Variants in CHN1 observed in about 807,000 individuals in gnomAD.
The protein encoded by CHN1 is N-chimaerin.
In CHN1, 37 loss-of-function variants were observed where a neutral mutation model predicts 59.5. The observed-to-expected ratio is 0.62, with a 90% CI of 0.48 to 0.82. The LOEUF (loss-of-function observed/expected upper bound fraction) is 0.82. Among genes scored for constraint, CHN1 ranks in the 40% least tolerant of loss-of-function variants. The probability of loss-of-function intolerance (pLI) is 0.00; values close to 1 mark genes in which losing one functional copy is unlikely to be tolerated. For missense variants in CHN1, 469 were observed against 571.0 expected (o/e 0.82, Z 1.82); for synonymous variants, 206 against 200.4 (o/e 1.03, Z -0.24).
intron 1 of CHN1, among the ~76,000 whole-genome samples, chr2:174,990,417 C>T (rs1370775255): frequency 6.6e-6 from 1 of 152,000 alleles, no homozygotes; most frequent in Non-Finnish European, 1.5e-5. Context: ...TCTGGAGAGA[C>T]CTAGGAACAG....
chr2:174,920,988 C>A, intron 3 of CHN1: 1 of 430,526 alleles, frequency 2.3e-6, no homozygotes, highest in Non-Finnish European at 4.8e-6. Context: ...CTAGGTCCCT[C>A]GCATGTGCAG....
At position 174,913,421 on chromosome 2, in the gene CHN1, G is replaced by T. The variant is rs144114020; in HGVS notation, c.260+1637C>A. Among the ~76,000 whole-genome samples, 27 of 152,206 alleles carry T rather than the reference G, an allele frequency of 1.8e-4. No homozygotes were observed. In the East Asian group the frequency reaches 4.4e-3, roughly 25 times the overall value. ...GAATTCTAGAATTATAATATGTTAG[G>T]AGTAGAAAGATGAAGAAACCAACTT... On this transcript the variant is annotated intron_variant, in intron 5 of 12. Coordinates refer to ENST00000409900, the MANE Select transcript of CHN1 (RefSeq NM_001822.7).
At position 174,955,659 on chromosome 2, in the gene CHN1, AAAAAT is replaced by A. The variant is rs572669179; in HGVS notation, c.20-3462_20-3458del. ...AAATAAATTGAAAAACAAACAAATG[AAAAAT>A]AAAATAAAATAAAATGTGGTATGTA... On this transcript the variant is annotated intron_variant, in intron 1 of 12. Coordinates refer to ENST00000409900, the MANE Select transcript of CHN1 (RefSeq NM_001822.7). Among the ~76,000 whole-genome samples, 76 of 152,292 alleles carry A rather than the reference AAAAAT, an allele frequency of 5.0e-4. No homozygotes were observed. The South Asian group carries it at 0.011, about 23-fold the overall frequency.
At chr2:174,846,492 A>G in intron 7 of CHN1, 4 of 1,436,886 alleles carry the variant, frequency 2.8e-6, no homozygotes, top group Non-Finnish European at 2.7e-6. Flanking sequence ...CATGCCTCTT[A>G]TATCCAAAGC....
At chr2:174,931,958 A>G (rs1689362078) in intron 3 of CHN1, among the ~76,000 whole-genome samples, 1 of 152,172 alleles carries the variant, frequency 6.6e-6, no homozygotes, top group Non-Finnish European at 1.5e-5. Flanking sequence ...GTAAGAGATG[A>G]GTTAGAGAGG....
intron 5 of CHN1, among the ~76,000 whole-genome samples, chr2:174,884,553 ATTAT>A (rs1687836245): frequency 6.6e-6 from 1 of 152,194 alleles, no homozygotes; most frequent in Non-Finnish European, 1.5e-5. Flanking sequence ...GGGGTTTTGT[ATTAT>A]TTACTAAAGT....
chr2:174,930,137 C>G (rs978705871), intron 3 of CHN1, among the ~76,000 whole-genome samples: 1 of 152,294 alleles, frequency 6.6e-6, no homozygotes, highest in Admixed American at 6.5e-5. Context: ...AGCAGATATA[C>G]TTGTGGCTCT....
intron 7 of CHN1, among the ~76,000 whole-genome samples, chr2:174,841,818 A>T (rs2105427901): frequency 6.6e-6 from 1 of 152,306 alleles, no homozygotes; most frequent in East Asian, 1.9e-4. Flanking sequence ...TTATTGCAGA[A>T]GCATAATGAA....
At chr2:174,981,742 A>G in intron 1 of CHN1, among the ~76,000 whole-genome samples, 1 of 152,226 alleles carries the variant, frequency 6.6e-6, no homozygotes, top group East Asian at 1.9e-4. Context: ...GATGATATGA[A>G]ATACTCTATT....
intron 3 of CHN1, among the ~76,000 whole-genome samples, chr2:174,922,819 A>T (rs1689052446): frequency 6.6e-6 from 1 of 152,228 alleles, no homozygotes; most frequent in Non-Finnish European, 1.5e-5. Flanking sequence ...AATAATGTAG[A>T]TCTATTGAGA....
chr2:174,848,396 ATACC>A (rs55903533), intron 6 of CHN1, among the ~76,000 whole-genome samples: 47,768 of 151,698 alleles, frequency 0.31, 8,667 homozygotes, highest in Admixed American at 0.45. Flanking sequence ...CTTAGGAGCA[ATACC>A]TACATTTTTT....
chr2:174,950,357 C>G (rs545150167), intron 2 of CHN1, among the ~76,000 whole-genome samples: 2 of 151,660 alleles, frequency 1.3e-5, no homozygotes, highest in Admixed American at 6.6e-5. Flanking sequence ...GTCTCTGCCT[C>G]TCAGGTACAA....
chr2:174,918,686 G>C, intron 3 of CHN1, 121 bp from the exon 4 acceptor site: 4 of 746,394 alleles, frequency 5.4e-6, no homozygotes, highest in Non-Finnish European at 8.3e-6. Context: ...AAATAACAGA[G>C]TATGGAGTCC....
At chr2:174,957,580 C>T (rs952366811) in intron 1 of CHN1, among the ~76,000 whole-genome samples, 6 of 151,972 alleles carry the variant, frequency 3.9e-5, no homozygotes, top group African/African-American at 1.2e-4. Flanking sequence ...TGATATTCTG[C>T]TGTTATTATA....
intron 5 of CHN1, among the ~76,000 whole-genome samples, chr2:174,885,318 T>C (rs1274314487): frequency 6.6e-6 from 1 of 150,930 alleles, no homozygotes; most frequent in Non-Finnish European, 1.5e-5. Context: ...AGAGAGAAAT[T>C]ACATATAACT....
rs373553077 is a variant in CHN1 at position 174,900,052 on chromosome 2, A to G, written c.260+15006T>C. On this transcript the variant is annotated intron_variant, in intron 5 of 12. Transcript: ENST00000409900. ...ATGCAACAATCCCCAAATATATTCTACTTTACTTCTGTGTACCTATTAATA... is the reference window on the plus strand; with the variant it reads ...ATGCAACAATCCCCAAATATATTCTGCTTTACTTCTGTGTACCTATTAATA... Among the ~76,000 whole-genome samples, 6 of 152,370 alleles carry G rather than the reference A, an allele frequency of 3.9e-5. No homozygotes were observed. In the South Asian group the frequency reaches 1.0e-3, roughly 26 times the overall value.
chr2:174,968,926 G>A (rs1690671954), intron 1 of CHN1, among the ~76,000 whole-genome samples: 1 of 152,164 alleles, frequency 6.6e-6, no homozygotes, highest in Non-Finnish European at 1.5e-5. Flanking sequence ...AACCTCACCT[G>A]ATCAATGTAA....
intron 1 of CHN1, among the ~76,000 whole-genome samples, chr2:174,960,125 G>T (rs1018359265): frequency 6.6e-6 from 1 of 152,114 alleles, no homozygotes; most frequent in African/African-American, 2.4e-5. Flanking sequence ...ATTTCCTGCT[G>T]ATTAATAGAA....
At chr2:174,857,752 T>G (rs889002781) in intron 6 of CHN1, among the ~76,000 whole-genome samples, 2 of 152,136 alleles carry the variant, frequency 1.3e-5, no homozygotes, top group African/African-American at 2.4e-5. Flanking sequence ...TTTGTCAATT[T>G]TTACCCAATT....
Sources: allele counts gnomAD v4.1 joint callset (sites outside exome capture counted in the v4.1 genomes callset), GRCh38; gene constraint gnomAD v4.1.1; transcripts MANE v1.5; gene names NCBI Gene and HGNC (gene_info 2026-07-23, HGNC 2026-07-21).